EXOC4: variants seen among roughly 807,000 people sequenced by gnomAD.
EXOC4 encodes SEC8-like 1.
A neutral mutation model predicts 107.2 loss-of-function variants in EXOC4; 71 were observed. The ratio of observed to expected loss-of-function variants is 0.66; its 90% CI spans 0.55 to 0.81. The LOEUF (loss-of-function observed/expected upper bound fraction) is 0.81, where lower values mean the gene tolerates loss of function less well. Among genes scored for constraint, EXOC4 ranks in the 30% least tolerant of loss-of-function variants. The pLI, the probability that EXOC4 is intolerant of heterozygous loss-of-function variation, is 0.00. For missense variants in EXOC4, 1,108 were observed against 1,189.6 expected (o/e 0.93, Z 1.01); for synonymous variants, 456 against 441.2 (o/e 1.03, Z -0.42).
chr7:133,663,215 C>T (rs532313895), intron 10 of EXOC4, among the ~76,000 whole-genome samples: 65 of 152,108 alleles, frequency 4.3e-4, no homozygotes, highest in Non-Finnish European at 8.1e-4. Flanking sequence ...CCAGGATACG[C>T]GCTCTTCTAA....
chr7:133,562,814 C>T (rs1047639879), intron 9 of EXOC4, among the ~76,000 whole-genome samples: 1 of 152,174 alleles, frequency 6.6e-6, no homozygotes, highest in African/African-American at 2.4e-5. Context: ...TAGTAATCCT[C>T]ATGCCTCTTA....
intron 10 of EXOC4, among the ~76,000 whole-genome samples, chr7:133,657,378 A>G (rs536459222): frequency 1.2e-4 from 19 of 152,310 alleles, no homozygotes; most frequent in African/African-American, 4.3e-4. Flanking sequence ...ACAGTTCTGT[A>G]TTAGTTCTAT....
chr7:133,897,804 G>A (rs1799353770), intron 12 of EXOC4, among the ~76,000 whole-genome samples: 1 of 152,006 alleles, frequency 6.6e-6, no homozygotes, highest in Admixed American at 6.6e-5. Context: ...CATTCAATCT[G>A]ATTCACATAT....
At chr7:133,502,146 G>A (rs929210717) in intron 9 of EXOC4, among the ~76,000 whole-genome samples, 2 of 151,778 alleles carry the variant, frequency 1.3e-5, no homozygotes, top group Non-Finnish European at 2.9e-5. Context: ...AAGTGGGAGT[G>A]GGGGAGTGTG....
intron 9 of EXOC4, among the ~76,000 whole-genome samples, chr7:133,582,687 G>A (rs1801306250): frequency 6.6e-6 from 1 of 151,726 alleles, no homozygotes; most frequent in Admixed American, 6.6e-5. Context: ...GTATAAATAT[G>A]AATAATGATC....
At chr7:133,508,807 T>C (rs1799713165) in intron 9 of EXOC4, among the ~76,000 whole-genome samples, 1 of 152,220 alleles carries the variant, frequency 6.6e-6, no homozygotes, top group Non-Finnish European at 1.5e-5. Flanking sequence ...GATTTCATAC[T>C]AATTTTGAAT....
Position 133,603,369 on chromosome 7 carries a change from A to G in EXOC4, c.1418-26676A>G, listed in dbSNP as rs113262674. On this transcript the variant is annotated intron_variant, in intron 9 of 17. Transcript: ENST00000253861. ...ATCTTCATGCAGATACCTAAATACA[A>G]TCATTTCTCACTCAAAGATGGGGGT... 4.7e-3 allele frequency among the ~76,000 whole-genome samples: 721 copies of G among 152,352 alleles called. 5 individuals carry two copies. The highest frequency in any genetic ancestry group is 0.017 in the African/African-American group (687 of 41,574).
intron 9 of EXOC4, among the ~76,000 whole-genome samples, chr7:133,608,546 CTTT>C (rs1161155238): frequency 4.2e-4 from 36 of 85,018 alleles, no homozygotes; most frequent in African/African-American, 1.4e-3. Context: ...TGCTGTATTT[CTTT>C]TTTTTTTTTT....
At chr7:134,067,149 C>CAAAA (rs10597442), downstream of EXOC4, among the ~76,000 whole-genome samples, 136 of 121,928 alleles carry the variant, frequency 1.1e-3, no homozygotes, top group Middle Eastern at 4.5e-3. Context: ...CACTCTGTCT[C>CAAAA]AAAAAAAAAA....
chr7:133,977,748 G>T (rs1307863531), intron 14 of EXOC4, among the ~76,000 whole-genome samples: 113 of 151,500 alleles, frequency 7.5e-4, no homozygotes, highest in Middle Eastern at 3.4e-3. Context: ...TTGTGTGTGT[G>T]TGTGTGTGTG....
At chr7:133,938,800 G>C (rs1490422359) in intron 14 of EXOC4, among the ~76,000 whole-genome samples, 1 of 152,152 alleles carries the variant, frequency 6.6e-6, no homozygotes, top group Non-Finnish European at 1.5e-5. Flanking sequence ...TAAAGGAAAA[G>C]GCAGATTTAT....
chr7:133,888,733 A>C (rs952214749), intron 11 of EXOC4, among the ~76,000 whole-genome samples: 25 of 152,166 alleles, frequency 1.6e-4, no homozygotes, highest in Admixed American at 3.9e-4. Context: ...ATCTCGTGAG[A>C]AAATGCACTG....
At chr7:133,624,118 CTGTGG>C (rs1172805000) in intron 9 of EXOC4, among the ~76,000 whole-genome samples, 6 of 152,218 alleles carry the variant, frequency 3.9e-5, no homozygotes, top group African/African-American at 1.4e-4. Context: ...TTCACCTTCA[CTGTGG>C]TTCTTTTCTA....
At chr7:133,584,352 C>T (rs770166467) in intron 9 of EXOC4, among the ~76,000 whole-genome samples, 62 of 151,978 alleles carry the variant, frequency 4.1e-4, no homozygotes, top group Non-Finnish European at 7.4e-4. Flanking sequence ...CATTATCTGC[C>T]CAAAACCCTT....
chr7:133,720,111 A>G (rs952264383), intron 10 of EXOC4, among the ~76,000 whole-genome samples: 28 of 152,280 alleles, frequency 1.8e-4, no homozygotes, highest in African/African-American at 6.0e-4. Context: ...GTTAACTAGA[A>G]TAGTCTTTCA....
chr7:133,656,246 T>C (rs1361522738), intron 10 of EXOC4, among the ~76,000 whole-genome samples: 2 of 152,152 alleles, frequency 1.3e-5, no homozygotes, highest in African/African-American at 4.8e-5. Context: ...GGCAAAGATA[T>C]CAGTTGGCAA....
intron 12 of EXOC4, among the ~76,000 whole-genome samples, chr7:133,905,103 G>C (rs755708905): frequency 9.9e-5 from 15 of 152,192 alleles, no homozygotes; most frequent in Non-Finnish European, 1.9e-4. Context: ...GTTGCACTCT[G>C]ATTTTCTCCC....
intron 17 of EXOC4, among the ~76,000 whole-genome samples, chr7:134,010,735 T>C (rs928159776): frequency 9.9e-5 from 15 of 152,234 alleles, no homozygotes; most frequent in African/African-American, 3.4e-4. Flanking sequence ...CTAGTTGCCG[T>C]GTGTCAGAAA....
chr7:133,907,447 G>A (rs1010232607), intron 12 of EXOC4, among the ~76,000 whole-genome samples: 1 of 152,034 alleles, frequency 6.6e-6, no homozygotes, highest in African/African-American at 2.4e-5. Flanking sequence ...CATACATCCT[G>A]GGTTTTCCAT....
Sources: gnomAD v4.1 joint callset for allele counts (sites outside exome capture counted in the v4.1 genomes callset) on GRCh38, gnomAD v4.1.1 for gene constraint, MANE v1.5 for transcripts, NCBI Gene and HGNC (gene_info 2026-07-23, HGNC 2026-07-21) for gene names.